Variants in GLOD4 observed in about 807,000 individuals in gnomAD.
The protein encoded by GLOD4 is glyoxalase domain-containing protein 4.
Under a neutral mutation model 39.1 loss-of-function variants are expected in GLOD4, and 44 were observed. The observed-to-expected ratio is 1.13, with a 90% CI of 0.88 to 1.45. GLOD4 has a LOEUF of 1.45. Among genes scored for constraint, GLOD4 ranks in the 40% most tolerant of loss-of-function variants. The probability of loss-of-function intolerance (pLI) is 0.00; values close to 1 mark genes in which losing one functional copy is unlikely to be tolerated. For missense variants in GLOD4, 405 were observed against 366.4 expected, an observed-to-expected ratio of 1.11 and a Z score of -0.86; for synonymous variants, 145 against 135.0, an observed-to-expected ratio of 1.07 and a Z score of -0.52.
At chr17:782,468 C>G (rs550931413), upstream of GLOD4, 1 of 1,613,686 alleles carries the variant, frequency 6.2e-7, no homozygotes, top group East Asian at 2.2e-5. Context: ...GGCGCTGGGT[C>G]CGGGCGCTGC....
At chr17:773,927 G>A (rs1178343748) in intron 4 of GLOD4, among the ~76,000 whole-genome samples, 1 of 152,182 alleles carries the variant, frequency 6.6e-6, no homozygotes. Flanking sequence ...CGGACAGAAG[G>A]TCTGACCACA....
intron 4 of GLOD4, among the ~76,000 whole-genome samples, chr17:775,196 G>A (rs1416029103): frequency 9.9e-5 from 15 of 151,658 alleles, no homozygotes; most frequent in Admixed American, 2.6e-4. Flanking sequence ...GCTTGAACCC[G>A]GGAGGCAGAG....
chr17:766,584 A>G (rs1035956011), intron 8 of GLOD4, among the ~76,000 whole-genome samples: 25 of 151,956 alleles, frequency 1.6e-4, no homozygotes, highest in Non-Finnish European at 2.6e-4. Flanking sequence ...TGACAGAGCA[A>G]GAATCCGTCT....
chr17:773,481 G>A (rs531628434), intron 4 of GLOD4, among the ~76,000 whole-genome samples: 1 of 152,186 alleles, frequency 6.6e-6, no homozygotes, highest in Admixed American at 6.5e-5. Context: ...ACTCTAAAAT[G>A]TCAGCAGTGG....
chr17:782,069 G>A (rs780599597), intron 1 of GLOD4, 97 bp downstream of exon 1: 3 of 843,958 alleles, frequency 3.6e-6, no homozygotes, highest in African/African-American at 3.4e-5. Context: ...CTCCGGCTTA[G>A]GTTCACGACA....
In GLOD4 at chr17:760,161, T is replaced by G; in HGVS notation, c.*12A>C. On this transcript the variant is annotated 3_prime_UTR_variant, in exon 9 of 9. Coordinates refer to ENST00000301329, the MANE Select transcript of GLOD4 (RefSeq NM_016080.4). Reference sequence around the variant, plus strand: ...AGGAATCACAGAGGCTTGCTCTGCATCATGTCTTCCGTTAACCTGAAGCTT... The same window carrying G: ...AGGAATCACAGAGGCTTGCTCTGCAGCATGTCTTCCGTTAACCTGAAGCTT... 1.3e-6 allele frequency: 2 copies of G among 1,537,256 alleles called. No individual in the cohort carries two copies. Among genetic ancestry groups the G allele is most frequent in the Non-Finnish European group, 1.8e-6 (2 of 1,109,732 alleles).
Position 759,967 on chromosome 17 carries a change from G to C in GLOD4, c.*206C>G. On this transcript the variant is annotated 3_prime_UTR_variant, in exon 9 of 9. Coordinates refer to ENST00000301329, the MANE Select transcript of GLOD4 (RefSeq NM_016080.4). ...CCCAGCAACAGTGTAGATTACAGCA[G>C]GCGTTCTCTACCTGGACTCATGATT... The C allele has an allele frequency of 1.7e-6, 1 of 577,458 alleles. No individual in the cohort carries two copies. The highest frequency in any genetic ancestry group is 3.1e-6 in the Non-Finnish European group (1 of 325,050). The allele number at this position is 577,458 out of a possible 1,614,324, so 35.8% of individuals were successfully genotyped here.
chr17:775,741 A>G (rs745441340), intron 4 of GLOD4, 34 bp downstream of exon 4: 1 of 1,591,388 alleles, frequency 6.3e-7, no homozygotes, highest in Admixed American at 1.7e-5. Context: ...AGATGCCTTT[A>G]GACAGAGGCT....
chr17:769,979 A>G (rs758892735), intron 7 of GLOD4, 24 bp from the exon 8 acceptor site: 1 of 1,577,876 alleles, frequency 6.3e-7, no homozygotes. Flanking sequence ...GAGAAAAGAC[A>G]CCTGCCAAAG....
chr17:783,134 G>A (rs1910270896), upstream of GLOD4: 1 of 1,613,860 alleles, frequency 6.2e-7, no homozygotes, highest in Non-Finnish European at 8.5e-7. Context: ...AACAAGGGAA[G>A]ATCCTGCTGG....
At chr17:785,076 A>C (rs190726660), upstream of GLOD4, among the ~76,000 whole-genome samples, 70 of 152,368 alleles carry the variant, frequency 4.6e-4, no homozygotes, top group African/African-American at 1.6e-3. Context: ...TAAGATTCAA[A>C]AAAACTGTAC....
At chr17:777,780 T>C (rs1323192720) in intron 2 of GLOD4, 1 of 152,256 alleles carries the variant, frequency 6.6e-6, no homozygotes, top group African/African-American at 2.4e-5. Context: ...AATTTCCTGA[T>C]AGGAATATCT....
At position 775,797 on chromosome 17, in the gene GLOD4, C is replaced by G. The variant is rs1294427590; in HGVS notation, c.384G>C (p.Gln128His). ...EAPGGYKFYL[Q>H]NRSLPQSDPV... is the part of the protein sequence containing the mutation. ...TACCTGACTGAGGCAGACTGCGATT[C>G]TGCAAATAGAACTTATATCCTCCCG... Residue 128 changes from glutamine (Q) to histidine (H), a missense_variant, in exon 4 of 9, where the codon CAG becomes CAC. Gln to His is a conservative substitution (Grantham distance 24, BLOSUM62 0). Coordinates refer to ENST00000301329, the MANE Select transcript of GLOD4 (RefSeq NM_016080.4). The G allele has an allele frequency of 6.2e-7, 1 of 1,614,064 alleles. No homozygotes were observed. The highest frequency in any genetic ancestry group is 2.2e-5 in the East Asian group (1 of 44,872).
At chr17:762,540 T>C (rs983390234) in intron 8 of GLOD4, among the ~76,000 whole-genome samples, 4 of 139,862 alleles carry the variant, frequency 2.9e-5, no homozygotes, top group Non-Finnish European at 6.2e-5. Context: ...AATAATTTCA[T>C]CACCATCCAG....
chr17:783,222 C>T (rs1293113120), upstream of GLOD4: 1 of 1,614,116 alleles, frequency 6.2e-7, no homozygotes, highest in Admixed American at 1.7e-5. Context: ...TCTAGAATAC[C>T]TAAAGGAGTT....
rs772456804 is a variant in GLOD4, at chr17:770,540, A to G, written c.544-33T>C. On this transcript the variant is annotated intron_variant, in intron 5 of 8. Transcript: ENST00000301329. Reference sequence around the variant, plus strand: ...AGGAAAGGGGGTTATTTTTTGGAACAGGTTATACATTCATTACACGTATGT... The same window carrying G: ...AGGAAAGGGGGTTATTTTTTGGAACGGGTTATACATTCATTACACGTATGT... The G allele has an allele frequency of 3.1e-6, 3 of 962,318 alleles. No individual in the cohort carries two copies. In the South Asian group the frequency reaches 3.8e-5, roughly 12 times the overall value. The allele number at this position is 962,318 out of a possible 1,614,324, so 59.6% of individuals were successfully genotyped here. A position where few individuals can be genotyped will look rare whatever the true frequency, so the allele number is the denominator to read the frequency against.
intron 8 of GLOD4, among the ~76,000 whole-genome samples, chr17:763,227 G>T (rs892736339): frequency 1.3e-5 from 2 of 150,852 alleles, no homozygotes; most frequent in African/African-American, 4.9e-5. Flanking sequence ...AGCACTTAAG[G>T]TTGGATGCGG....
chr17:764,970 G>C (rs1472874851), intron 8 of GLOD4: 2 of 151,042 alleles, frequency 1.3e-5, no homozygotes, highest in East Asian at 4.2e-4. Context: ...TTGTACCACT[G>C]CACTCCAGCC....
At chr17:763,644 G>C (rs1905935855) in intron 8 of GLOD4, 1 of 152,090 alleles carries the variant, frequency 6.6e-6, no homozygotes, top group Non-Finnish European at 1.5e-5. Context: ...TCTGGGCCAA[G>C]CTTGAAGACT....
Sources: allele counts gnomAD v4.1 joint callset (sites outside exome capture counted in the v4.1 genomes callset), GRCh38; gene constraint gnomAD v4.1.1; transcripts MANE v1.5; gene names NCBI Gene and HGNC (gene_info 2026-07-23, HGNC 2026-07-21).